The following GLIS3 variants were observed in gnomAD, a reference collection of about 807,000 sequenced individuals.
GLIS3 encodes zinc finger protein GLIS3.
Under a neutral mutation model 78.6 loss-of-function variants are expected in GLIS3, and 53 were observed. The observed-to-expected ratio is 0.67, with a 90% CI of 0.54 to 0.85. The LOEUF is 0.85. Ranked by LOEUF, GLIS3 falls within the 40% of genes least tolerant of loss-of-function variation. The pLI, the probability that GLIS3 is intolerant of heterozygous loss-of-function variation, is 0.00. For missense variants in GLIS3, 1,703 were observed against 1,231.1 expected (o/e 1.38, Z -5.74); for synonymous variants, 684 against 509.9 (o/e 1.34, Z -4.60).
At chr9:4,012,831 G>A (rs1241105426) in intron 4 of GLIS3, among the ~76,000 whole-genome samples, 1 of 129,510 alleles carries the variant, frequency 7.7e-6, no homozygotes, top group African/African-American at 2.9e-5. Context: ...GGAGTGCAAC[G>A]GCACAATCTC....
chr9:4,462,839 T>C, the GLIS3 span, among the ~76,000 whole-genome samples: 1 of 152,180 alleles, frequency 6.6e-6, no homozygotes, highest in Non-Finnish European at 1.5e-5. Flanking sequence ...AAAAGTCTGG[T>C]CCTTCATCCC....
rs577160796 is a variant in GLIS3, at chr9:4,296,405, T to G, written c.-99+3016A>C. Among the ~76,000 whole-genome samples, 55 of 152,260 alleles carry G rather than the reference T, an allele frequency of 3.6e-4. 1 individual carries two copies. Among genetic ancestry groups the G allele is most frequent in the African/African-American group, 1.3e-3 (54 of 41,556 alleles). ...GCTAATACAAAACGTTTTCTGGGTA[T>G]TATTTAACCTCTCCTACCCAGGCTA... On this transcript the variant is annotated intron_variant, in intron 1 of 10. Coordinates refer to ENST00000381971, the MANE Select transcript of GLIS3 (RefSeq NM_001042413.2).
At chr9:4,450,849 G>A in the GLIS3 span, among the ~76,000 whole-genome samples, 1 of 152,134 alleles carries the variant, frequency 6.6e-6, no homozygotes, top group Non-Finnish European at 1.5e-5. Context: ...CCTGAAGGAA[G>A]CACTAAACAT....
At chr9:4,321,377 G>T (rs749960453) in intron 2 of GLIS3, among the ~76,000 whole-genome samples, 1 of 108,960 alleles carries the variant, frequency 9.2e-6, no homozygotes, top group African/African-American at 4.6e-5. Context: ...AGCCGAGATG[G>T]CGCCACTGCA....
At chr9:4,419,886 A>C in the GLIS3 span, among the ~76,000 whole-genome samples, 24 of 152,176 alleles carry the variant, frequency 1.6e-4, no homozygotes, top group Non-Finnish European at 3.1e-4. Context: ...CCCATGATCA[A>C]ATCATCTCCC....
the GLIS3 span, among the ~76,000 whole-genome samples, chr9:4,427,301 C>T: frequency 1.3e-5 from 2 of 152,160 alleles, no homozygotes; most frequent in South Asian, 2.1e-4. Context: ...CTCTTCTCCA[C>T]TTATAATTGT....
At chr9:4,198,640 G>C (rs1031991233) in intron 2 of GLIS3, among the ~76,000 whole-genome samples, 33 of 152,158 alleles carry the variant, frequency 2.2e-4, no homozygotes, top group Admixed American at 8.5e-4. Context: ...AAACATATTT[G>C]AGAAAATAAT....
intron 7 of GLIS3, among the ~76,000 whole-genome samples, chr9:3,896,076 G>C (rs532463794): frequency 1.3e-5 from 2 of 152,278 alleles, no homozygotes; most frequent in Admixed American, 6.5e-5. Context: ...TAACACTTCA[G>C]ATTTTACATT....
In GLIS3 at chr9:4,227,768, A is replaced by T. The variant is rs183326270; in HGVS notation, c.388+58270T>A. On this transcript the variant is annotated intron_variant, in intron 2 of 10. Transcript: ENST00000381971. ...AGTCAGGTGAAGCCAAGGAGCTCTG[A>T]ACTCCCTTGAGGAAGGAAAAGCAAG... 1.0e-3 allele frequency among the ~76,000 whole-genome samples: 155 copies of T among 152,352 alleles called. 1 individual carries two copies. The highest frequency in any genetic ancestry group is 3.5e-3 in the African/African-American group (145 of 41,572).
chr9:4,156,369 T>G (rs1398832995), intron 2 of GLIS3, among the ~76,000 whole-genome samples: 1 of 152,226 alleles, frequency 6.6e-6, no homozygotes, highest in Non-Finnish European at 1.5e-5. Context: ...AGAGAAGCAC[T>G]AAATCACACA....
chr9:4,410,779 C>G, the GLIS3 span, among the ~76,000 whole-genome samples: 1 of 152,168 alleles, frequency 6.6e-6, no homozygotes, highest in East Asian at 1.9e-4. Flanking sequence ...TATTTAACTG[C>G]CAGCCAAAGT....
intron 2 of GLIS3, among the ~76,000 whole-genome samples, chr9:4,163,244 GCACACACA>G (rs59165297): frequency 0.48 from 72,313 of 151,600 alleles, 18,959 homozygotes; most frequent in East Asian, 0.82. Context: ...ATGTGCACTG[GCACACACA>G]CACACACACA....
At chr9:3,880,932 G>A (rs1427747258) in intron 7 of GLIS3, among the ~76,000 whole-genome samples, 7 of 152,210 alleles carry the variant, frequency 4.6e-5, no homozygotes, top group Non-Finnish European at 1.0e-4. Context: ...ACCTACCACA[G>A]TCCTCCAAAG....
intron 2 of GLIS3, among the ~76,000 whole-genome samples, chr9:4,180,612 T>C (rs1237938799): frequency 6.6e-6 from 1 of 152,190 alleles, no homozygotes; most frequent in Non-Finnish European, 1.5e-5. Flanking sequence ...AATCTGAGGA[T>C]TGTGTCCATC....
Position 4,117,890 on chromosome 9 carries a change from T to C in GLIS3, c.1588A>G (p.Lys530Glu), listed in dbSNP as rs148757771. ...HIEKVHIDQR[K>E]GEDFTCFWAG... ...CAGAAGCAAGTGAAGTCCTCCCCTT[T>C]GCGCTGGTCGATGTGGACCTTCTCG... Residue 530 changes from lysine (K) to glutamate (E), a missense_variant, in exon 4 of 11, where the codon AAA (lysine) becomes GAA (glutamate). By Grantham distance (56) the Lys-to-Glu change is moderately conservative. Coordinates refer to ENST00000381971, the MANE Select transcript of GLIS3 (RefSeq NM_001042413.2). 1.9e-6 allele frequency: 3 copies of C among 1,613,996 alleles called. No homozygotes were observed. The African/African-American group carries it at 4.0e-5, about 22-fold the overall frequency.
the GLIS3 span, among the ~76,000 whole-genome samples, chr9:4,378,697 T>G: frequency 2.0e-5 from 3 of 152,270 alleles, no homozygotes; most frequent in South Asian, 2.1e-4. Flanking sequence ...GAGAAGGAAA[T>G]CCTAAATCCA....
intron 2 of GLIS3, among the ~76,000 whole-genome samples, chr9:4,148,598 A>G (rs1834412792): frequency 6.6e-6 from 1 of 151,818 alleles, no homozygotes; most frequent in Non-Finnish European, 1.5e-5. Context: ...CAGGGACTGT[A>G]CCTAATCCAC....
chr9:4,127,638 G>GA (rs1180112047), intron 2 of GLIS3, among the ~76,000 whole-genome samples: 2 of 151,458 alleles, frequency 1.3e-5, no homozygotes, highest in African/African-American at 2.4e-5. Context: ...TTTTTACCTT[G>GA]AAAAAAAGGC....
At chr9:3,869,266 G>GGTGTGTGTGTGT (rs58818313) in intron 8 of GLIS3, among the ~76,000 whole-genome samples, 12 of 151,262 alleles carry the variant, frequency 7.9e-5, no homozygotes, top group African/African-American at 1.9e-4. Flanking sequence ...AATTATCTAG[G>GGTGTGTGTGTGT]GTGTGTGTGT....
Sources: allele counts gnomAD v4.1 joint callset (sites outside exome capture counted in the v4.1 genomes callset), GRCh38; gene constraint gnomAD v4.1.1; transcripts MANE v1.5; gene names NCBI Gene and HGNC (gene_info 2026-07-23, HGNC 2026-07-21).